The following RIPOR2 variants were observed in gnomAD, a reference collection of about 807,000 sequenced individuals.
RIPOR2 encodes the protein rho family-interacting cell polarization regulator 2.
In RIPOR2, 39 loss-of-function variants were observed where a neutral mutation model predicts 114.5. The ratio of observed to expected loss-of-function variants is 0.34; its 90% CI spans 0.26 to 0.44. The LOEUF is 0.44. Ranked by LOEUF, RIPOR2 falls within the 20% of genes least tolerant of loss-of-function variation. The pLI is 1.00. For synonymous variants in RIPOR2, 445 were observed against 484.4 expected (o/e 0.92, Z 1.07); for missense variants, 1,007 against 1,255.1 (o/e 0.80, Z 2.99).
intron 12 of RIPOR2, 140 bp from the exon 13 acceptor site, chr6:24,843,694 A>T (rs1761967048): frequency 3.7e-6 from 2 of 534,968 alleles, no homozygotes; most frequent in Non-Finnish European, 6.4e-6. Flanking sequence ...TTATTTGTTG[A>T]TGCCGTGTGT....
chr6:24,991,815 G>A (rs1477278901), intron 1 of RIPOR2, among the ~76,000 whole-genome samples: 1 of 152,124 alleles, frequency 6.6e-6, no homozygotes, highest in Non-Finnish European at 1.5e-5. Context: ...GCTGGTCAAG[G>A]GAAGAGTTAG....
intron 1 of RIPOR2, among the ~76,000 whole-genome samples, chr6:24,896,895 C>A (rs1173641162): frequency 1.3e-5 from 2 of 152,134 alleles, no homozygotes; most frequent in East Asian, 3.8e-4. Context: ...GAGCAAGACT[C>A]CATCTCAAAA....
chr6:25,040,399 A>C (rs1411828477), intron 1 of RIPOR2, among the ~76,000 whole-genome samples: 1 of 152,092 alleles, frequency 6.6e-6, no homozygotes, highest in African/African-American at 2.4e-5. Context: ...TACAGGCGTG[A>C]GCCACCGCGC....
At position 24,926,105 on chromosome 6, in the gene RIPOR2, A is replaced by G. The variant is rs370164271; in HGVS notation, c.61+9733T>C. Among the ~76,000 whole-genome samples, 117 of 152,354 alleles carry G rather than the reference A, an allele frequency of 7.7e-4. 3 individuals are homozygous for G. In the South Asian group the frequency reaches 0.024, roughly 31 times the overall value. ...TCTTAATTGCTGTCCTAAAATACTT[A>G]ATATATACAACATTAAAGTTTTCAG... On this transcript the variant is annotated intron_variant, in intron 1 of 21. Transcript: ENST00000643898.
intron 1 of RIPOR2, among the ~76,000 whole-genome samples, chr6:25,038,618 G>A (rs1777350095): frequency 6.6e-6 from 1 of 152,240 alleles, no homozygotes; most frequent in African/African-American, 2.4e-5. Flanking sequence ...GCCTACAACT[G>A]CAAGGAACTA....
At chr6:24,937,367 CAGGAA>C (rs1231040739), upstream of RIPOR2, among the ~76,000 whole-genome samples, 1 of 152,142 alleles carries the variant, frequency 6.6e-6, no homozygotes, top group Non-Finnish European at 1.5e-5. Context: ...AGTAGCTCAA[CAGGAA>C]GAACTGTCCA....
intron 6 of RIPOR2, among the ~76,000 whole-genome samples, chr6:24,865,810 A>G (rs1218539812): frequency 2.6e-5 from 4 of 152,190 alleles, no homozygotes; most frequent in Admixed American, 2.6e-4. Context: ...AGTATTAAAT[A>G]AGTATTAAAC....
intron 1 of RIPOR2, among the ~76,000 whole-genome samples, chr6:25,022,268 T>A (rs1224959052): frequency 6.6e-6 from 1 of 152,176 alleles, no homozygotes; most frequent in Non-Finnish European, 1.5e-5. Flanking sequence ...AATGATTCGC[T>A]TTCTGTCCTA....
At chr6:24,924,436 C>T (rs545543370) in intron 1 of RIPOR2, among the ~76,000 whole-genome samples, 8 of 152,232 alleles carry the variant, frequency 5.3e-5, no homozygotes, top group African/African-American at 7.2e-5. Flanking sequence ...ACCCCTTGGA[C>T]GCTTGCTGTG....
chr6:24,927,216 C>CACCACA lies in RIPOR2; in HGVS notation c.61+8621_61+8622insTGTGGT, dbSNP rs2114131859. Reference sequence around the variant, plus strand: ...CCACAACTACAAGCACCACCACCACCACTACCACCAGCACCACCACAACTA... The same window carrying CACCACA: ...CCACAACTACAAGCACCACCACCACCACCACAACTACCACCAGCACCACCACAACTA... On this transcript the variant is annotated intron_variant, in intron 1 of 21. Coordinates refer to ENST00000643898, the MANE Select transcript of RIPOR2 (RefSeq NM_001286445.3). Among the ~76,000 whole-genome samples, 6 of 1,922 alleles carry CACCACA rather than the reference C, an allele frequency of 3.1e-3. 2 individuals are homozygous for CACCACA. Among genetic ancestry groups the CACCACA allele is most frequent in the Admixed American group, 0.013 (3 of 232 alleles). The allele number at this position is 1,922 out of a possible 152,430, so 1.3% of individuals were successfully genotyped here. A position where few individuals can be genotyped will look rare whatever the true frequency, so the allele number is the denominator to read the frequency against.
chr6:24,895,931 T>G (rs539008517), intron 1 of RIPOR2, among the ~76,000 whole-genome samples: 155 of 152,050 alleles, frequency 1.0e-3, no homozygotes, highest in African/African-American at 3.6e-3. Context: ...GCGGAGCTTG[T>G]AGTGAGCCGA....
At chr6:25,020,155 A>T (rs1042466745) in intron 1 of RIPOR2, among the ~76,000 whole-genome samples, 1 of 152,210 alleles carries the variant, frequency 6.6e-6, no homozygotes, top group Non-Finnish European at 1.5e-5. Context: ...GCTAGTATTA[A>T]AGGTTTTTCT....
chr6:24,952,768 T>C (rs1772840644), intron 1 of RIPOR2, among the ~76,000 whole-genome samples: 1 of 152,268 alleles, frequency 6.6e-6, no homozygotes, highest in African/African-American at 2.4e-5. Context: ...AGGTATGTGC[T>C]GACTCCAGCA....
At chr6:24,839,047 G>C in intron 14 of RIPOR2, 44 bp downstream of exon 14, 1 of 1,474,272 alleles carries the variant, frequency 6.8e-7, no homozygotes, top group Non-Finnish European at 9.3e-7. Flanking sequence ...TACTGTATCA[G>C]CTGTGACAGG....
intron 1 of RIPOR2, among the ~76,000 whole-genome samples, chr6:24,910,262 C>A (rs1769416110): frequency 6.6e-6 from 1 of 152,192 alleles, no homozygotes; most frequent in South Asian, 2.1e-4. Context: ...TCCTCCCATT[C>A]CACCTGGCCA....
intron 1 of RIPOR2, among the ~76,000 whole-genome samples, chr6:25,017,068 G>A (rs995895724): frequency 2.6e-5 from 4 of 152,200 alleles, no homozygotes; most frequent in Non-Finnish European, 5.9e-5. Context: ...GCACCGGCAC[G>A]GTGGCTCACG....
At chr6:24,819,662 ATT>A (rs35638159) in intron 19 of RIPOR2, among the ~76,000 whole-genome samples, 7,468 of 103,296 alleles carry the variant, frequency 0.072, 751 homozygotes, top group African/African-American at 0.21. Flanking sequence ...CGCCCAGCTA[ATT>A]TTTTTTTTTT....
intron 1 of RIPOR2, among the ~76,000 whole-genome samples, chr6:24,925,431 CGGTG>C (rs1399649080): frequency 6.6e-6 from 1 of 151,916 alleles, no homozygotes. Context: ...AGGCTGGGCG[CGGTG>C]GGTCATGCCT....
chr6:24,839,173 C>T lies in RIPOR2; in HGVS notation c.1957G>A (p.Glu653Lys), dbSNP rs950632769. 2.6e-6 allele frequency: 4 copies of T among 1,551,722 alleles called. No individual in the cohort carries two copies. Among genetic ancestry groups the T allele is most frequent in the Admixed American group, 2.0e-5 (1 of 51,000 alleles). The part of the protein sequence containing the change: ...FDFLNTSDFD[E>K]EEDGDEVCNV... Reference sequence around the variant, plus strand: ...CAAACCTCATCACCATCCTCCTCCTCGTCAAAATCAGAGGTGTTCAGGAAA... The same window carrying T: ...CAAACCTCATCACCATCCTCCTCCTTGTCAAAATCAGAGGTGTTCAGGAAA... Residue 653 changes from glutamate to lysine, a missense_variant, in exon 14 of 22, where the codon GAG (glutamate) becomes AAG (lysine). Glu to Lys is a moderately conservative substitution (Grantham distance 56, BLOSUM62 1). Coordinates refer to ENST00000643898, the MANE Select transcript of RIPOR2 (RefSeq NM_001286445.3).
Sources: allele counts gnomAD v4.1 joint callset (sites outside exome capture counted in the v4.1 genomes callset), GRCh38; gene constraint gnomAD v4.1.1; transcripts MANE v1.5; gene names NCBI Gene and HGNC (gene_info 2026-07-23, HGNC 2026-07-21).